CEP170: variants seen among roughly 807,000 people sequenced by gnomAD.
CEP170 encodes the protein centrosomal protein 170.
A neutral mutation model predicts 151.9 loss-of-function variants in CEP170; 21 were observed. The ratio of observed to expected loss-of-function variants is 0.14; its 90% CI spans 0.10 to 0.20. The LOEUF (loss-of-function observed/expected upper bound fraction) is 0.20, where lower values mean the gene tolerates loss of function less well. CEP170 is among the 10% of genes least tolerant of loss of function. CEP170 has a pLI of 1.00. For missense variants in CEP170, 964 were observed against 1,892.9 expected (o/e 0.51, Z 9.11); for synonymous variants, 356 against 648.8 (o/e 0.55, Z 6.86).
At chr1:243,186,733 C>T (rs983964242) in intron 8 of CEP170, among the ~76,000 whole-genome samples, 2 of 152,102 alleles carry the variant, frequency 1.3e-5, no homozygotes, top group African/African-American at 4.8e-5. Context: ...GTATTCCTAA[C>T]ATCAATAAAC....
rs2058398780 is a variant in CEP170, at chr1:243,165,815, A to T, written c.2145T>A (p.Asp715Glu). The T allele has an allele frequency of 1.2e-6, 2 of 1,613,866 alleles. No individual in the cohort carries two copies. Among genetic ancestry groups the T allele is most frequent in the Non-Finnish European group, 1.7e-6 (2 of 1,179,898 alleles). ...VNGETLKTGG[D>E]NKTLLHLGSS... The stretch of plus-strand genomic sequence containing the variant: ...TGCCTAAGTGAAGTAGGGTTTTATT[A>T]TCTCCACCAGTTTTGAGAGTCTCTC... Residue 715 changes from aspartate to glutamate, a missense_variant, in exon 13 of 20, where the codon GAT becomes GAA. By Grantham distance (45) the Asp-to-Glu change is conservative (BLOSUM62 2). Coordinates refer to ENST00000366542, the MANE Select transcript of CEP170 (RefSeq NM_014812.3).
At position 243,125,999 on chromosome 1, in the gene CEP170, T is replaced by A; in HGVS notation, c.*450A>T. On this transcript the variant is annotated 3_prime_UTR_variant, in exon 20 of 20. Coordinates refer to ENST00000366542, the MANE Select transcript of CEP170 (RefSeq NM_014812.3). The stretch of plus-strand genomic sequence containing the variant: ...TGGTAATGAGTACTAATATAAATCC[T>A]ATTATTAAGAAGCAAATAGAATGGT... 1 of 385,354 alleles carries A rather than the reference T, an allele frequency of 2.6e-6. No homozygotes were observed. The highest frequency in any genetic ancestry group is 5.0e-6 in the Non-Finnish European group (1 of 201,030). The allele number at this position is 385,354 out of a possible 1,614,324, so 23.9% of individuals were successfully genotyped here.
intron 3 of CEP170, among the ~76,000 whole-genome samples, chr1:243,218,149 G>A (rs1444242766): frequency 6.6e-6 from 1 of 152,232 alleles, no homozygotes; most frequent in Non-Finnish European, 1.5e-5. Flanking sequence ...AGCTACAAAA[G>A]CCTCCTCTCC....
At chr1:243,224,524 A>G (rs1218978498) in intron 2 of CEP170, among the ~76,000 whole-genome samples, 1 of 152,076 alleles carries the variant, frequency 6.6e-6, no homozygotes, top group Non-Finnish European at 1.5e-5. Context: ...GCTGGGCCGC[A>G]TTCAAAGCCG....
chr1:243,223,172 A>AGATTTC (rs1309833938), intron 2 of CEP170, among the ~76,000 whole-genome samples: 1 of 152,216 alleles, frequency 6.6e-6, no homozygotes, highest in African/African-American at 2.4e-5. Context: ...AAGAGAAGTG[A>AGATTTC]GATTTCAAGT....
intron 7 of CEP170, among the ~76,000 whole-genome samples, chr1:243,193,491 A>C (rs1358819941): frequency 6.6e-6 from 1 of 151,974 alleles, no homozygotes; most frequent in Non-Finnish European, 1.5e-5. Context: ...AGAGAGCTAA[A>C]TAAAACTGAT....
intron 1 of CEP170, among the ~76,000 whole-genome samples, chr1:243,242,092 T>C (rs912625277): frequency 6.6e-6 from 1 of 152,114 alleles, no homozygotes; most frequent in South Asian, 2.1e-4. Context: ...AGCAAATGGT[T>C]GTCAAAACAG....
chr1:243,148,805 C>T (rs895887138), intron 14 of CEP170, among the ~76,000 whole-genome samples: 10 of 152,094 alleles, frequency 6.6e-5, no homozygotes, highest in African/African-American at 2.2e-4. Context: ...TCAGTGGAAA[C>T]TGTCAGTTAA....
At chr1:243,194,650 C>T (rs1275974908) in intron 7 of CEP170, among the ~76,000 whole-genome samples, 1 of 151,826 alleles carries the variant, frequency 6.6e-6, no homozygotes, top group Non-Finnish European at 1.5e-5. Flanking sequence ...TAATAGAAAA[C>T]TATAAGGGGT....
At chr1:243,155,802 A>C (rs1208390927) in intron 14 of CEP170, among the ~76,000 whole-genome samples, 1 of 152,144 alleles carries the variant, frequency 6.6e-6, no homozygotes, top group Non-Finnish European at 1.5e-5. Context: ...GCTTACCCTA[A>C]TTCTCTCCAG....
intron 19 of CEP170, among the ~76,000 whole-genome samples, chr1:243,127,537 A>C (rs2148140391): frequency 6.6e-6 from 1 of 152,338 alleles, no homozygotes; most frequent in Middle Eastern, 3.4e-3. Context: ...TTAGCAAGCC[A>C]CTTTTACTCA....
intron 3 of CEP170, among the ~76,000 whole-genome samples, chr1:243,214,868 T>C (rs757284314): frequency 3.3e-5 from 5 of 152,222 alleles, no homozygotes; most frequent in Non-Finnish European, 5.9e-5. Context: ...TTGTTTTAAT[T>C]ACCCTTTTAT....
chr1:243,222,295 C>T (rs2062890659), intron 2 of CEP170, among the ~76,000 whole-genome samples: 1 of 152,180 alleles, frequency 6.6e-6, no homozygotes, highest in African/African-American at 2.4e-5. Flanking sequence ...AAATTATCTT[C>T]ATTTAAAATA....
At chr1:243,153,703 A>T (rs1330959015) in intron 14 of CEP170, among the ~76,000 whole-genome samples, 1 of 152,074 alleles carries the variant, frequency 6.6e-6, no homozygotes, top group Non-Finnish European at 1.5e-5. Context: ...GTATAGTGTG[A>T]ACATAATTTT....
intron 2 of CEP170, 43 bp downstream of exon 2, chr1:243,225,133 C>T: frequency 8.2e-7 from 1 of 1,221,426 alleles, no homozygotes. Context: ...ACACTAATTT[C>T]AAGTTTTGAA....
intron 1 of CEP170, among the ~76,000 whole-genome samples, chr1:243,228,700 A>C (rs2063489574): frequency 6.6e-6 from 1 of 152,252 alleles, no homozygotes; most frequent in African/African-American, 2.4e-5. Flanking sequence ...AAAACATGAC[A>C]GCCAAATACG....
chr1:243,225,146 AAC>A lies in CEP170; in HGVS notation c.105+28_105+29del, dbSNP rs768360930. ...TTACACTAATTTCAAGTTTTGAATA[AAC>A]ACATATAGAGAAGCTTGACACAATT... On this transcript the variant is annotated intron_variant, in intron 2 of 19. Coordinates refer to ENST00000366542, the MANE Select transcript of CEP170 (RefSeq NM_014812.3). 11 of 1,355,152 alleles carry A rather than the reference AAC, an allele frequency of 8.1e-6. No individual in the cohort carries two copies. In the African/African-American group the frequency reaches 1.6e-4, roughly 20 times the overall value. The allele number at this position is 1,355,152 out of a possible 1,614,324, so 83.9% of individuals were successfully genotyped here.
intron 8 of CEP170, among the ~76,000 whole-genome samples, chr1:243,190,581 T>C (rs932642833): frequency 3.3e-5 from 5 of 152,182 alleles, no homozygotes; most frequent in Admixed American, 2.6e-4. Flanking sequence ...TGTGACTGCA[T>C]TACCAAAGTA....
rs1369549371 is a variant in CEP170 at position 243,226,129 on chromosome 1, ATATATGTGTATATATATG to A, written c.-41-826_-41-809del. Among the ~76,000 whole-genome samples, 27 of 91,908 alleles carry A rather than the reference ATATATGTGTATATATATG, an allele frequency of 2.9e-4. 1 individual carries two copies. In the East Asian group the frequency reaches 0.011, roughly 37 times the overall value. 60.3% of individuals were successfully genotyped at this position (91,908 alleles called of 152,430 possible). On this transcript the variant is annotated intron_variant, in intron 1 of 19. Coordinates refer to ENST00000366542, the MANE Select transcript of CEP170 (RefSeq NM_014812.3). Reference sequence around the variant, plus strand: ...CGTATATATATGTATATACGTGTGTATATATGTGTATATATATGTACATGTCTATCTCTCTATAGATAT... The same window carrying A: ...CGTATATATATGTATATACGTGTGTATACATGTCTATCTCTCTATAGATAT...
Sources: allele counts gnomAD v4.1 joint callset (sites outside exome capture counted in the v4.1 genomes callset), GRCh38; gene constraint gnomAD v4.1.1; transcripts MANE v1.5; gene names NCBI Gene and HGNC (gene_info 2026-07-23, HGNC 2026-07-21).